The following FHIP2A variants were observed in gnomAD, a reference collection of about 807,000 sequenced individuals.
The protein encoded by FHIP2A is FHF complex subunit HOOK interacting protein 2A.
A neutral mutation model predicts 93.5 loss-of-function variants in FHIP2A; 46 were observed. The observed-to-expected ratio is 0.49, with a 90% CI of 0.39 to 0.63. The LOEUF (loss-of-function observed/expected upper bound fraction) is 0.63, where lower values mean the gene tolerates loss of function less well. Ranked by LOEUF, FHIP2A falls within the 20% of genes least tolerant of loss-of-function variation. The probability of loss-of-function intolerance (pLI) is 0.00; values close to 1 mark genes in which losing one functional copy is unlikely to be tolerated. For missense variants in FHIP2A, 769 were observed against 909.7 expected (o/e 0.85, Z 1.99); for synonymous variants, 332 against 326.5 (o/e 1.02, Z -0.18).
chr10:114,895,234 A>T (rs1320811535), intron 16 of FHIP2A, among the ~76,000 whole-genome samples: 1 of 152,228 alleles, frequency 6.6e-6, no homozygotes, highest in East Asian at 1.9e-4. Context: ...AGATTTAATA[A>T]AATAGAAAAA....
At chr10:114,846,481 G>A (rs1299143068) in intron 10 of FHIP2A, 78 bp from the exon 11 acceptor site, 1 of 1,447,310 alleles carries the variant, frequency 6.9e-7, no homozygotes, top group African/African-American at 1.4e-5. Flanking sequence ...GAAATTGAAA[G>A]CATGACTCAC....
chr10:114,845,063 G>A (rs1159783435), intron 7 of FHIP2A, among the ~76,000 whole-genome samples: 1 of 150,898 alleles, frequency 6.6e-6, no homozygotes, highest in East Asian at 2.0e-4. Context: ...CACGCACGTT[G>A]GCCTCCCAAA....
At chr10:114,845,975 A>G in intron 8 of FHIP2A, 38 bp from the exon 9 acceptor site, 1 of 1,486,056 alleles carries the variant, frequency 6.7e-7, no homozygotes, top group Non-Finnish European at 9.3e-7. Flanking sequence ...TCTTTCTTTT[A>G]TATTAAAAAA....
Position 114,831,046 on chromosome 10 carries a change from A to G in FHIP2A, c.124+116A>G. On this transcript the variant is annotated intron_variant, in intron 2 of 16. Coordinates refer to ENST00000369248, the MANE Select transcript of FHIP2A (RefSeq NM_020940.4). ...AGTTATTTTATATTTAAGTTTATAG[A>G]CAATCTTATCTTTGTCTTTAAGATT... 3 of 598,696 alleles carry G rather than the reference A, an allele frequency of 5.0e-6. No individual in the cohort carries two copies. The South Asian group carries it at 7.5e-5, about 15-fold the overall frequency. 37.1% of individuals were successfully genotyped at this position (598,696 alleles called of 1,614,324 possible).
At chr10:114,833,093 C>G (rs2083616892) in intron 2 of FHIP2A, 140 bp from the exon 3 acceptor site, 1 of 616,448 alleles carries the variant, frequency 1.6e-6, no homozygotes, top group South Asian at 2.2e-5. Flanking sequence ...GATAATCATA[C>G]TGTGTTTATA....
intron 1 of FHIP2A, among the ~76,000 whole-genome samples, chr10:114,829,870 A>G (rs74158071): frequency 0.039 from 5,978 of 152,322 alleles, 333 homozygotes; most frequent in African/African-American, 0.13. Flanking sequence ...TAGGTTTGCT[A>G]TAAGATGGCT....
intron 16 of FHIP2A, among the ~76,000 whole-genome samples, chr10:114,893,095 T>C (rs933733694): frequency 3.3e-5 from 5 of 152,328 alleles, no homozygotes; most frequent in Middle Eastern, 3.4e-3. Context: ...AACCATCTGT[T>C]GATTCACCAA....
At chr10:114,891,228 A>ATATATATATG (rs2083971903) in intron 16 of FHIP2A, among the ~76,000 whole-genome samples, 1 of 149,268 alleles carries the variant, frequency 6.7e-6, no homozygotes. Flanking sequence ...AAATATATAT[A>ATATATATATG]TATATATATA....
chr10:114,895,732 T>C (rs2083997850), intron 16 of FHIP2A, among the ~76,000 whole-genome samples: 1 of 152,178 alleles, frequency 6.6e-6, no homozygotes, highest in Non-Finnish European at 1.5e-5. Flanking sequence ...CTAGGTGTTA[T>C]ATCCATGTCT....
rs2083799497 is a variant in FHIP2A, at chr10:114,861,483, C to T, written c.2241C>T (p.Phe747=). ...LLEGVIVLEE[F]CKELAAIAFV... ...AGGGTGTGATTGTGTTAGAAGAGTTCTGTAAGGAGCTGGCGGCAATCGCAT... is the reference window on the plus strand; with the variant it reads ...AGGGTGTGATTGTGTTAGAAGAGTTTTGTAAGGAGCTGGCGGCAATCGCAT... Residue 747 remains phenylalanine (F), a synonymous_variant, in exon 17 of 17, where the codon TTC becomes TTT. Transcript: ENST00000369248. 6.2e-7 allele frequency: 1 copy of T among 1,613,990 alleles called. No individual in the cohort carries two copies. The highest frequency in any genetic ancestry group is 1.3e-5 in the African/African-American group (1 of 74,910).
intron 13 of FHIP2A, among the ~76,000 whole-genome samples, chr10:114,854,455 G>A (rs1458557425): frequency 6.6e-6 from 1 of 151,512 alleles, no homozygotes; most frequent in Non-Finnish European, 1.5e-5. Flanking sequence ...TTGTGCCATT[G>A]CACTCCATCC....
intron 13 of FHIP2A, among the ~76,000 whole-genome samples, chr10:114,850,725 C>G (rs889864558): frequency 1.3e-5 from 2 of 151,984 alleles, no homozygotes; most frequent in Non-Finnish European, 2.9e-5. Flanking sequence ...ATTCCTTTGC[C>G]TGTGTTTTAA....
chr10:114,853,167 T>G (rs2083746644), intron 13 of FHIP2A, among the ~76,000 whole-genome samples: 1 of 152,194 alleles, frequency 6.6e-6, no homozygotes, highest in South Asian at 2.1e-4. Context: ...TACCATTAAA[T>G]CCCTCAAAAT....
At chr10:114,872,504 T>C (rs2083864826) in intron 16 of FHIP2A, among the ~76,000 whole-genome samples, 1 of 151,646 alleles carries the variant, frequency 6.6e-6, no homozygotes, top group Admixed American at 6.6e-5. Flanking sequence ...CTCACTGCTC[T>C]GTTTTAGACT....
At chr10:114,835,413 T>TG in intron 3 of FHIP2A, 124 bp from the exon 4 acceptor site, 2 of 565,170 alleles carry the variant, frequency 3.5e-6, no homozygotes, top group Non-Finnish European at 6.5e-6. Context: ...ACTGGCCAGT[T>TG]GCATTGTCTT....
downstream of FHIP2A, among the ~76,000 whole-genome samples, chr10:114,867,941 ATTTTT>A (rs3981290): frequency 7.1e-6 from 1 of 141,026 alleles, no homozygotes. Flanking sequence ...GTGCTTTATA[ATTTTT>A]TTTTTTTTTT....
chr10:114,841,551 C>G (rs2083669064), intron 5 of FHIP2A, among the ~76,000 whole-genome samples: 1 of 152,130 alleles, frequency 6.6e-6, no homozygotes, highest in Non-Finnish European at 1.5e-5. Flanking sequence ...CTCAGCCTCT[C>G]AAAGTGCTGG....
chr10:114,875,922 AAGAAAGAAAG>A (rs1197948687), intron 16 of FHIP2A, among the ~76,000 whole-genome samples: 1 of 150,590 alleles, frequency 6.6e-6, no homozygotes, highest in African/African-American at 2.4e-5. Context: ...GAAAGAAAGA[AAGAAAGAAAG>A]AGAAAGAAAA....
intron 16 of FHIP2A, among the ~76,000 whole-genome samples, chr10:114,894,920 T>G (rs1231408435): frequency 9.2e-5 from 14 of 152,204 alleles, no homozygotes; most frequent in Admixed American, 9.2e-4. Context: ...ATAAAAATAG[T>G]GTCAAGGTCC....
Sources: gnomAD v4.1 joint callset for allele counts (sites outside exome capture counted in the v4.1 genomes callset) on GRCh38, gnomAD v4.1.1 for gene constraint, MANE v1.5 for transcripts, NCBI Gene and HGNC (gene_info 2026-07-23, HGNC 2026-07-21) for gene names.